BCAR3: variants seen among roughly 807,000 people sequenced by gnomAD.
BCAR3 encodes the protein breast cancer anti-estrogen resistance protein 3.
A neutral mutation model predicts 80.1 loss-of-function variants in BCAR3; 37 were observed. That is an observed-to-expected ratio of 0.46 (90% CI 0.36 to 0.61). The LOEUF (loss-of-function observed/expected upper bound fraction) is 0.61, where lower values mean the gene tolerates loss of function less well. BCAR3 is among the 20% of genes least tolerant of loss of function. The pLI, the probability that BCAR3 is intolerant of heterozygous loss-of-function variation, is 0.00. For synonymous variants in BCAR3, 389 were observed against 418.9 expected (o/e 0.93, Z 0.87); for missense variants, 978 against 1,068.2 (o/e 0.92, Z 1.18).
At chr1:93,613,957 C>A in intron 3 of BCAR3, 1 of 1,550,102 alleles carries the variant, frequency 6.5e-7, no homozygotes, top group Non-Finnish European at 8.7e-7. Flanking sequence ...CCGGGGACCA[C>A]ACACTTTCTT....
chr1:93,703,439 C>G (rs571794352), intron 3 of BCAR3, among the ~76,000 whole-genome samples: 59 of 152,092 alleles, frequency 3.9e-4, no homozygotes, highest in African/African-American at 1.3e-3. Flanking sequence ...TCGTGGTACA[C>G]TCCTGTAGTC....
chr1:93,572,334 A>C (rs1436286711), intron 8 of BCAR3, among the ~76,000 whole-genome samples: 1 of 152,254 alleles, frequency 6.6e-6, no homozygotes, highest in Non-Finnish European at 1.5e-5. Context: ...CATGGCCATC[A>C]GAACAAAGGC....
intron 3 of BCAR3, among the ~76,000 whole-genome samples, chr1:93,705,555 T>C (rs750859660): frequency 2.6e-5 from 4 of 152,214 alleles, no homozygotes; most frequent in Non-Finnish European, 5.9e-5. Flanking sequence ...AGCAAGGTGG[T>C]TCAACTGCAG....
intron 11 of BCAR3, among the ~76,000 whole-genome samples, chr1:93,565,146 G>A (rs961165855): frequency 4.6e-5 from 7 of 151,114 alleles, no homozygotes; most frequent in African/African-American, 9.8e-5. Flanking sequence ...GCACAATCTC[G>A]GCTCAATGAA....
intron 3 of BCAR3, among the ~76,000 whole-genome samples, chr1:93,601,812 G>T (rs1392837539): frequency 6.6e-6 from 1 of 152,194 alleles, no homozygotes; most frequent in African/African-American, 2.4e-5. Flanking sequence ...GAAGGGAGAG[G>T]AGGCTGGAGA....
intron 3 of BCAR3, among the ~76,000 whole-genome samples, chr1:93,613,024 T>C (rs1675001642): frequency 1.3e-5 from 2 of 152,168 alleles, no homozygotes; most frequent in Non-Finnish European, 2.9e-5. Context: ...TCAAAGGTAA[T>C]GAATGAGCCA....
intron 2 of BCAR3, among the ~76,000 whole-genome samples, chr1:93,805,899 G>T (rs1037008635): frequency 2.0e-5 from 3 of 151,982 alleles, no homozygotes; most frequent in Non-Finnish European, 4.4e-5. Context: ...ACAAGAAGAG[G>T]ATGTTATGAA....
chr1:93,563,146 C>T (rs976795432), intron 11 of BCAR3, among the ~76,000 whole-genome samples: 3 of 152,290 alleles, frequency 2.0e-5, no homozygotes, highest in African/African-American at 7.2e-5. Context: ...TAAGTTTTTA[C>T]ATAAACCATT....
chr1:93,739,225 C>T (rs1651097435), intron 2 of BCAR3, among the ~76,000 whole-genome samples: 1 of 152,118 alleles, frequency 6.6e-6, no homozygotes, highest in Non-Finnish European at 1.5e-5. Flanking sequence ...TAGATGACCC[C>T]TACTCCAGTT....
At chr1:93,584,884 C>T in intron 5 of BCAR3, 1 of 775,556 alleles carries the variant, frequency 1.3e-6, no homozygotes, top group Non-Finnish European at 1.6e-6. Context: ...AGAGGCACTG[C>T]ACCAGCCAAG....
chr1:93,563,736 A>G (rs1222126254), intron 11 of BCAR3, among the ~76,000 whole-genome samples: 3 of 152,174 alleles, frequency 2.0e-5, no homozygotes, highest in Admixed American at 2.0e-4. Context: ...TGTGTTGCCC[A>G]GGCTGGAGTG....
At chr1:93,747,765 C>G (rs565180569) in intron 2 of BCAR3, among the ~76,000 whole-genome samples, 3 of 151,682 alleles carry the variant, frequency 2.0e-5, no homozygotes, top group African/African-American at 7.3e-5. Flanking sequence ...AAATCTAAAC[C>G]CTTTAGCATG....
At chr1:93,603,165 GA>G (rs895384033) in intron 3 of BCAR3, among the ~76,000 whole-genome samples, 17 of 152,258 alleles carry the variant, frequency 1.1e-4, no homozygotes, top group African/African-American at 4.1e-4. Context: ...AGTTCAAAGA[GA>G]AAAAAATTCA....
intron 3 of BCAR3, 27 bp downstream of exon 3, chr1:93,642,277 G>A: frequency 6.2e-7 from 1 of 1,610,416 alleles, no homozygotes; most frequent in Non-Finnish European, 8.5e-7. Flanking sequence ...CAGGGTCACG[G>A]CTACATGTTT....
intron 2 of BCAR3, among the ~76,000 whole-genome samples, chr1:93,731,121 A>G (rs1314007511): frequency 6.6e-6 from 1 of 152,248 alleles, no homozygotes; most frequent in African/African-American, 2.4e-5. Flanking sequence ...CAGAACTGCC[A>G]GTGTCATCAG....
chr1:93,725,810 T>A (rs962185406), intron 2 of BCAR3, among the ~76,000 whole-genome samples: 1 of 152,202 alleles, frequency 6.6e-6, no homozygotes, highest in African/African-American at 2.4e-5. Flanking sequence ...TTTTTTGCCT[T>A]ATTAACCACC....
At chr1:93,616,775 C>A (rs185940257) in intron 3 of BCAR3, among the ~76,000 whole-genome samples, 254 of 152,264 alleles carry the variant, frequency 1.7e-3, no homozygotes, top group Non-Finnish European at 2.5e-3. Context: ...GAGGGCATTT[C>A]TAAGGAACTC....
intron 2 of BCAR3, among the ~76,000 whole-genome samples, chr1:93,653,787 C>CCT (rs1647227084): frequency 6.6e-6 from 1 of 152,234 alleles, no homozygotes; most frequent in South Asian, 2.1e-4. Context: ...GAAGAAGCCC[C>CCT]ACATGGGGTA....
At chr1:93,587,080 G>T (rs1673976123) in intron 5 of BCAR3, among the ~76,000 whole-genome samples, 2 of 152,158 alleles carry the variant, frequency 1.3e-5, no homozygotes, top group Non-Finnish European at 2.9e-5. Flanking sequence ...CAGCCCATTT[G>T]TATGTCTTCT....
Sources: gnomAD v4.1 joint callset for allele counts (sites outside exome capture counted in the v4.1 genomes callset) on GRCh38, gnomAD v4.1.1 for gene constraint, MANE v1.5 for transcripts, NCBI Gene and HGNC (gene_info 2026-07-23, HGNC 2026-07-21) for gene names.